TTBK1: variants seen among roughly 807,000 people sequenced by gnomAD.
The protein encoded by TTBK1 is tau tubulin kinase 1.
Under a neutral mutation model 108.5 loss-of-function variants are expected in TTBK1, and 34 were observed. That is an observed-to-expected ratio of 0.31 (90% CI 0.24 to 0.42). The LOEUF is 0.42. Among genes scored for constraint, TTBK1 ranks in the 10% least tolerant of loss-of-function variants. TTBK1 has a pLI of 1.00. For synonymous variants in TTBK1, 809 were observed against 795.1 expected (o/e 1.02, Z -0.29); for missense variants, 1,539 against 1,826.0 (o/e 0.84, Z 2.86).
Position 43,252,821 on chromosome 6 carries a change from T to C in TTBK1, c.191T>C (p.Val64Ala). ...ACCAGGGAGAATGTGGCCCTCAAGG[T>C]GGAGTCAGCCCAGCAGCCCAAGCAG... ...LLTRENVALK[V>A]ESAQQPKQVL... is the part of the protein sequence containing the mutation. Residue 64 changes from valine (V) to alanine (A), a missense_variant, in exon 3 of 15, where the codon GTG (valine) becomes GCG (alanine). Transcript: ENST00000259750. 1.9e-6 allele frequency: 3 copies of C among 1,613,016 alleles called. No individual in the cohort carries two copies. The highest frequency in any genetic ancestry group is 2.5e-6 in the Non-Finnish European group (3 of 1,179,716).
At chr6:43,267,778 C>T (rs764263149) in intron 13 of TTBK1, among the ~76,000 whole-genome samples, 34 of 152,222 alleles carry the variant, frequency 2.2e-4, no homozygotes, top group Admixed American at 4.6e-4. Context: ...CTGCCTTTAC[C>T]GGTTGTCTCT....
Position 43,282,990 on chromosome 6 carries a change from A to AGATGAGGAAGAGGAAGAAGAGGATGAG in TTBK1, c.2252_2253insTGAGGAAGAGGAAGAAGAGGATGAGGA (p.Glu750_Glu751insAspGluGluGluGluGluGluAspGlu). 1 of 1,049,946 alleles carries AGATGAGGAAGAGGAAGAAGAGGATGAG rather than the reference A, an allele frequency of 9.5e-7. No homozygotes were observed. The highest frequency in any genetic ancestry group is 1.3e-6 in the Non-Finnish European group (1 of 774,218). The allele number at this position is 1,049,946 out of a possible 1,614,324, so 65.0% of individuals were successfully genotyped here. A position where few individuals can be genotyped will look rare whatever the true frequency, so the allele number is the denominator to read the frequency against. ...AGGAAGAGGAAGAAGAGGATGAGGA[A>AGATGAGGAAGAGGAAGAAGAGGATGAG]GAAGAAGAGGAGGAAGAGGAAGAGG... is the stretch of plus-strand genomic sequence containing the variant. On this transcript the variant is annotated inframe_insertion, in exon 14 of 15. Coordinates refer to ENST00000259750, the MANE Select transcript of TTBK1 (RefSeq NM_032538.3). The surrounding 1 kb of genome is among the most constrained non-coding windows in gnomAD (Gnocchi z 5.4).
At chr6:43,275,267 CGCGGCGCCCT>C (rs1777940342) in intron 13 of TTBK1, among the ~76,000 whole-genome samples, 1 of 151,968 alleles carries the variant, frequency 6.6e-6, no homozygotes, top group Admixed American at 6.6e-5. Flanking sequence ...CACAGCGCCC[CGCGGCGCCCT>C]GCACCCCCCG....
In TTBK1 at chr6:43,285,105, G is replaced by T. The variant is rs781754978; in HGVS notation, c.3695G>T (p.Ser1232Ile). Residue 1232 changes from serine (S) to isoleucine (I), a missense_variant, in exon 15 of 15, where the codon AGC (serine) becomes ATC (isoleucine). Ser to Ile is a moderately radical substitution (Grantham distance 142). Around this residue, in one of 5 missense-constraint regions of TTBK1, gnomAD observed 1,055 missense variants for 1,086.5 expected, o/e 0.97. Transcript: ENST00000259750. The surrounding 1 kb of genome is among the most constrained non-coding windows in gnomAD (Gnocchi z 4.7). ...GGAGCCAGGCCCCCAGCGCCGCGCA[G>T]CCCGCGCCTCCCCGCGTCCACATCC... ...QAGARPPAPR[S>I]PRLPASTSAA... The T allele has an allele frequency of 1.2e-4, 172 of 1,474,100 alleles. No individual in the cohort carries two copies. Among genetic ancestry groups the T allele is most frequent in the Non-Finnish European group, 1.4e-4 (152 of 1,120,488 alleles). The allele number at this position is 1,474,100 out of a possible 1,614,324, so 91.3% of individuals were successfully genotyped here.
rs1302012538 is a variant in TTBK1, at chr6:43,252,891, G to A, written c.256+5G>A. ...CCGTGCTCAAGAAGTTGCAAGGTTCGGGCCTCGGGCAGGGGGATGGGAAGG... is the reference window on the plus strand; with the variant it reads ...CCGTGCTCAAGAAGTTGCAAGGTTCAGGCCTCGGGCAGGGGGATGGGAAGG... On this transcript the variant is annotated splice_donor_5th_base_variant and intron_variant, in intron 3 of 14. Transcript: ENST00000259750. 6.2e-7 allele frequency: 1 copy of A among 1,613,116 alleles called. No homozygotes were observed. The highest frequency in any genetic ancestry group is 8.5e-7 in the Non-Finnish European group (1 of 1,179,822).
rs1163421835 is a variant in TTBK1 at position 43,263,274 on chromosome 6, G to A, written c.1910G>A (p.Ser637Asn). The change falls in exon 13 of 15, where the codon AGC becomes AAC. Residue 637 changes from serine (S) to asparagine (N), a missense_variant. Ser to Asn is a conservative substitution (Grantham distance 46). This residue lies in a region of TTBK1 where 1,055 missense variants were observed against 1,086.5 expected (regional missense o/e 0.97). Coordinates refer to ENST00000259750, the MANE Select transcript of TTBK1 (RefSeq NM_032538.3). This position sits in a 1 kb window ranked among gnomAD's most constrained non-coding sequence, Gnocchi z 4.7. ...SETSQPPTPG[S>N]PSHSPLHSGP... ...ACGTCACAGCCCCCCACGCCTGGCAGCCCTTCCCACTCACCCCTGCACTCG... is the reference window on the plus strand; with the variant it reads ...ACGTCACAGCCCCCCACGCCTGGCAACCCTTCCCACTCACCCCTGCACTCG... 6.5e-7 allele frequency: 1 copy of A among 1,533,096 alleles called. No individual in the cohort carries two copies. The highest frequency in any genetic ancestry group is 1.4e-5 in the African/African-American group (1 of 73,002). The allele number at this position is 1,533,096 out of a possible 1,614,324, so 95.0% of individuals were successfully genotyped here.
At chr6:43,271,362 A>G (rs1777830068) in intron 13 of TTBK1, 1 of 985,286 alleles carries the variant, frequency 1.0e-6, no homozygotes, top group East Asian at 1.1e-4. Context: ...GTGTAATTCC[A>G]GGAAGTGCCA....
chr6:43,285,193 C>T lies in TTBK1; in HGVS notation c.3783C>T (p.Ser1261=). Residue 1261 remains serine, a synonymous_variant, in exon 15 of 15, where the codon TCC becomes TCT. Coordinates refer to ENST00000259750, the MANE Select transcript of TTBK1 (RefSeq NM_032538.3). This position sits in a 1 kb window ranked among gnomAD's most constrained non-coding sequence, Gnocchi z 4.7. ...SQSLSRRESP[S]PSHQARPGVP... is the part of the protein sequence containing the mutation. ...CCCTGTCCCGCAGAGAGAGCCCCTC[C>T]CCCTCGCACCAGGCCCGGCCCGGGG... 1 of 1,359,246 alleles carries T rather than the reference C, an allele frequency of 7.4e-7. No homozygotes were observed. The highest frequency in any genetic ancestry group is 9.4e-7 in the Non-Finnish European group (1 of 1,061,892). The allele number at this position is 1,359,246 out of a possible 1,614,324, so 84.2% of individuals were successfully genotyped here.
chr6:43,263,391 CCA>C lies in TTBK1; in HGVS notation c.1986+42_1986+43del. The C allele has an allele frequency of 6.9e-7, 1 of 1,443,268 alleles. No homozygotes were observed. The highest frequency in any genetic ancestry group is 9.1e-7 in the Non-Finnish European group (1 of 1,093,354). The allele number at this position is 1,443,268 out of a possible 1,614,324, so 89.4% of individuals were successfully genotyped here. On this transcript the variant is annotated intron_variant, in intron 13 of 14. Transcript: ENST00000259750. This position sits in a 1 kb window ranked among gnomAD's most constrained non-coding sequence, Gnocchi z 4.7. ...CACCCCACTCCCCATCTCCAGATGCCCAGAGTCCTGGTGTGTAGGCCTGGGGT... is the reference window on the plus strand; with the variant it reads ...CACCCCACTCCCCATCTCCAGATGCCGAGTCCTGGTGTGTAGGCCTGGGGT...
intron 12 of TTBK1, among the ~76,000 whole-genome samples, chr6:43,261,675 C>T (rs1280748662): frequency 1.3e-5 from 2 of 151,908 alleles, no homozygotes; most frequent in South Asian, 2.1e-4. Flanking sequence ...ATTAGGGAGG[C>T]GTGGTGGTGT....
chr6:43,256,099 C>G (rs1012162468), intron 9 of TTBK1, among the ~76,000 whole-genome samples: 1 of 151,822 alleles, frequency 6.6e-6, no homozygotes, highest in Non-Finnish European at 1.5e-5. Context: ...TCCAAGCAAG[C>G]CTTTGATGAT....
chr6:43,264,225 T>A lies in TTBK1; in HGVS notation c.1986+875T>A, dbSNP rs1413034800. 2.0e-5 allele frequency among the ~76,000 whole-genome samples: 3 copies of A among 151,804 alleles called. No homozygotes were observed. The East Asian group carries it at 5.8e-4, about 29-fold the overall frequency. On this transcript the variant is annotated intron_variant, in intron 13 of 14. Coordinates refer to ENST00000259750, the MANE Select transcript of TTBK1 (RefSeq NM_032538.3). ...GGTGAAACCCCATCTTTACTAAAAA[T>A]ACAAAAAATTAGCCGGGTGTGGTGG...
rs999976252 is a variant in TTBK1 at position 43,282,336 on chromosome 6, G to A, written c.1987-391G>A. On this transcript the variant is annotated intron_variant, in intron 13 of 14. Transcript: ENST00000259750. This position sits in a 1 kb window ranked among gnomAD's most constrained non-coding sequence, Gnocchi z 5.4. The stretch of plus-strand genomic sequence containing the variant: ...GTAAAAGGAAGGGCTGATCTGCGTG[G>A]TGGTCGTGGTTCCTTCCAGTTTTCA... Among the ~76,000 whole-genome samples, 2 of 152,240 alleles carry A rather than the reference G, an allele frequency of 1.3e-5. No individual in the cohort carries two copies. The highest frequency in any genetic ancestry group is 2.4e-5 in the African/African-American group (1 of 41,470).
rs953781829 is a variant in TTBK1 at position 43,285,398 on chromosome 6, G to A, written c.*22G>A. 195 of 1,266,304 alleles carry A rather than the reference G, an allele frequency of 1.5e-4. No individual in the cohort carries two copies. The highest frequency in any genetic ancestry group is 2.1e-4 in the Admixed American group (5 of 23,710). The allele number at this position is 1,266,304 out of a possible 1,614,324, so 78.4% of individuals were successfully genotyped here. On this transcript the variant is annotated 3_prime_UTR_variant, in exon 15 of 15. Transcript: ENST00000259750. This position sits in a 1 kb window ranked among gnomAD's most constrained non-coding sequence, Gnocchi z 4.7. ...ATAATGACGCCCGCTGCTCTCCGCG[G>A]TCCCCCACCCTCACCCCGGCCCCCC...
In TTBK1 at chr6:43,276,482, G is replaced by T. The variant is rs1053729447; in HGVS notation, c.1987-6245G>T. Reference sequence around the variant, plus strand: ...ACACGCACACGCGCGGCGCCGCCACGGGGGTGGGACACGGACACGCACCCA... The same window carrying T: ...ACACGCACACGCGCGGCGCCGCCACTGGGGTGGGACACGGACACGCACCCA... On this transcript the variant is annotated intron_variant, in intron 13 of 14. Transcript: ENST00000259750. The surrounding 1 kb of genome is among the most constrained non-coding windows in gnomAD (Gnocchi z 5.4). 2.0e-5 allele frequency among the ~76,000 whole-genome samples: 3 copies of T among 152,088 alleles called. No homozygotes were observed. The highest frequency in any genetic ancestry group is 6.5e-5 in the Admixed American group (1 of 15,280).
At position 43,283,494 on chromosome 6, in the gene TTBK1, C is replaced by T. The variant is rs755932012; in HGVS notation, c.2754C>T (p.Val918=). The change falls in exon 14 of 15, where the codon GTC becomes GTT. Residue 918 remains valine, a synonymous_variant. Transcript: ENST00000259750. This position sits in a 1 kb window ranked among gnomAD's most constrained non-coding sequence, Gnocchi z 8.1. ...CCACAGGGGTCGGGGGCGTGGCAGTCACCTCCTCACCCTTCACCAAAGTTG... is the reference window on the plus strand; with the variant it reads ...CCACAGGGGTCGGGGGCGTGGCAGTTACCTCCTCACCCTTCACCAAAGTTG... ...TVTTGVGGVA[V]TSSPFTKVER... is the part of the protein sequence containing the mutation. 44 of 1,614,038 alleles carry T rather than the reference C, an allele frequency of 2.7e-5. No individual in the cohort carries two copies. Among genetic ancestry groups the T allele is most frequent in the Non-Finnish European group, 3.5e-5 (41 of 1,179,996 alleles).
rs146947716 is a variant in TTBK1 at position 43,271,311 on chromosome 6, T to C, written c.1986+7961T>C. 3,601 of 985,498 alleles carry C rather than the reference T, an allele frequency of 3.7e-3. 11 individuals are homozygous for C. Among genetic ancestry groups the C allele is most frequent in the Admixed American group, 4.5e-3 (73 of 16,288 alleles). The allele number at this position is 985,498 out of a possible 1,614,324, so 61.0% of individuals were successfully genotyped here. A position where few individuals can be genotyped will look rare whatever the true frequency, so the allele number is the denominator to read the frequency against. Reference sequence around the variant, plus strand: ...GTGCTTACGAATGAGCGTTTGTGCATGTGGAAGGGCTGCCATGGATGAATG... The same window carrying C: ...GTGCTTACGAATGAGCGTTTGTGCACGTGGAAGGGCTGCCATGGATGAATG... On this transcript the variant is annotated intron_variant, in intron 13 of 14. Coordinates refer to ENST00000259750, the MANE Select transcript of TTBK1 (RefSeq NM_032538.3).
intron 12 of TTBK1, among the ~76,000 whole-genome samples, chr6:43,261,145 T>A (rs1312567647): frequency 1.3e-5 from 2 of 152,184 alleles, no homozygotes; most frequent in Non-Finnish European, 2.9e-5. Flanking sequence ...ATGAAAATAT[T>A]GTGCACAGTC....
Position 43,263,092 on chromosome 6 carries a change from AC to A in TTBK1, c.1729del (p.Leu577CysfsTer44). The A allele has an allele frequency of 6.4e-7, 1 of 1,571,498 alleles. No homozygotes were observed. The highest frequency in any genetic ancestry group is 8.6e-7 in the Non-Finnish European group (1 of 1,158,332). ...TDEEPEELRP[L>X]PEEGEERRRL... ...ATGAGGAGCCCGAGGAGCTGCGGCC[AC>A]TGCCCGAGGAGGGCGAAGAGCGGCG... On this transcript the variant is annotated frameshift_variant, in exon 13 of 15. Transcript: ENST00000259750. LOFTEE classifies it high-confidence loss of function. The surrounding 1 kb of genome is among the most constrained non-coding windows in gnomAD (Gnocchi z 4.7).
Sources: allele counts gnomAD v4.1 joint callset (sites outside exome capture counted in the v4.1 genomes callset), GRCh38; gene constraint gnomAD v4.1.1; regional missense constraint gnomAD v4.1.1; non-coding constraint Gnocchi (gnomAD v3.1); transcripts MANE v1.5; gene names NCBI Gene and HGNC (gene_info 2026-07-23, HGNC 2026-07-21).